Variants in CTNNA3 observed in about 807,000 individuals in gnomAD.
CTNNA3 encodes the protein catenin alpha-3.
CTNNA3 carries 76 observed loss-of-function variants against 95.7 expected under a neutral mutation model. That is an observed-to-expected ratio of 0.79 (90% CI 0.66 to 0.96). CTNNA3 has a LOEUF of 0.96. Among genes scored for constraint, CTNNA3 ranks in the 40% least tolerant of loss-of-function variants. The probability of loss-of-function intolerance (pLI) is 0.00; values close to 1 mark genes in which losing one functional copy is unlikely to be tolerated. For synonymous variants in CTNNA3, 431 were observed against 374.4 expected, an observed-to-expected ratio of 1.15 and a Z score of -1.74; for missense variants, 1,191 against 1,089.8, an observed-to-expected ratio of 1.09 and a Z score of -1.31.
At chr10:66,852,201 C>T (rs1353042848) in intron 7 of CTNNA3, among the ~76,000 whole-genome samples, 1 of 152,076 alleles carries the variant, frequency 6.6e-6, no homozygotes, top group South Asian at 2.1e-4. Flanking sequence ...TTTTATGGTA[C>T]AGGTACCTTC....
At chr10:66,029,201 C>T (rs1302367553) in intron 15 of CTNNA3, among the ~76,000 whole-genome samples, 1 of 152,114 alleles carries the variant, frequency 6.6e-6, no homozygotes, top group Non-Finnish European at 1.5e-5. Flanking sequence ...ATATTTGCTT[C>T]TTACATTTAT....
Position 66,457,066 on chromosome 10 carries a change from C to G in CTNNA3, c.1531+63551G>C, listed in dbSNP as rs77628177. Among the ~76,000 whole-genome samples, 2,751 of 152,078 alleles carry G rather than the reference C, an allele frequency of 0.018. 196 individuals are homozygous for G. The East Asian group carries it at 0.24, about 13-fold the overall frequency. ...CTTTGATTGTACCACCCCACTCCAGCCTAGGCATCAAATTGAGACCCTGTC... is the reference window on the plus strand; with the variant it reads ...CTTTGATTGTACCACCCCACTCCAGGCTAGGCATCAAATTGAGACCCTGTC... On this transcript the variant is annotated intron_variant, in intron 11 of 17. Coordinates refer to ENST00000433211, the MANE Select transcript of CTNNA3 (RefSeq NM_013266.4).
intron 1 of CTNNA3, among the ~76,000 whole-genome samples, chr10:67,755,755 T>C (rs1424943548): frequency 2.7e-4 from 34 of 125,506 alleles, no homozygotes; most frequent in Non-Finnish European, 4.5e-4. Context: ...TGAGCCGAGA[T>C]CACACCATTG....
At chr10:66,365,337 A>C (rs1191227267) in intron 12 of CTNNA3, among the ~76,000 whole-genome samples, 2 of 152,166 alleles carry the variant, frequency 1.3e-5, no homozygotes, top group Non-Finnish European at 2.9e-5. Flanking sequence ...TTGAACAATG[A>C]GAACACATGG....
intron 7 of CTNNA3, among the ~76,000 whole-genome samples, chr10:66,930,950 T>C (rs906854550): frequency 1.3e-5 from 2 of 152,134 alleles, no homozygotes; most frequent in African/African-American, 4.8e-5. Context: ...TGAGCACAGA[T>C]ATATAATTCT....
intron 10 of CTNNA3, among the ~76,000 whole-genome samples, chr10:66,616,715 AAC>A (rs1343972805): frequency 6.6e-6 from 1 of 151,984 alleles, no homozygotes; most frequent in Non-Finnish European, 1.5e-5. Flanking sequence ...AACAAATAGA[AAC>A]TCAGGGCCAC....
At chr10:65,990,349 G>C (rs1359991902) in intron 15 of CTNNA3, among the ~76,000 whole-genome samples, 1 of 149,998 alleles carries the variant, frequency 6.7e-6, no homozygotes, top group Non-Finnish European at 1.5e-5. Context: ...CTCATCAACA[G>C]TGTATAAGAG....
chr10:67,106,175 T>TA (rs1858625179), intron 7 of CTNNA3, among the ~76,000 whole-genome samples: 1 of 152,218 alleles, frequency 6.6e-6, no homozygotes, highest in Non-Finnish European at 1.5e-5. Context: ...GACACATTGG[T>TA]ACTACCACAG....
Position 67,741,165 on chromosome 10 carries a change from G to A in CTNNA3, c.-2+22269C>T, listed in dbSNP as rs542911390. 5.6e-4 allele frequency among the ~76,000 whole-genome samples: 84 copies of A among 150,940 alleles called. 2 individuals carry two copies. Among genetic ancestry groups the A allele is most frequent in the African/African-American group, 2.0e-3 (84 of 41,312 alleles). On this transcript the variant is annotated intron_variant, in intron 1 of 17. Coordinates refer to the CTNNA3 transcript ENST00000684154. ...CACACTCTGGGGACTGTTGTGGCAT[G>A]GGGAGAGGGGGGAGAGATAGCATTG...
At chr10:66,068,913 C>G (rs1248766087) in intron 15 of CTNNA3, among the ~76,000 whole-genome samples, 1 of 152,052 alleles carries the variant, frequency 6.6e-6, no homozygotes, top group Non-Finnish European at 1.5e-5. Flanking sequence ...TACCACTATC[C>G]TGATTATGCT....
At chr10:66,377,294 T>C (rs1388303773) in intron 12 of CTNNA3, among the ~76,000 whole-genome samples, 1 of 152,082 alleles carries the variant, frequency 6.6e-6, no homozygotes, top group Non-Finnish European at 1.5e-5. Flanking sequence ...ATATAGGACA[T>C]AATTTATCTA....
At chr10:66,926,931 A>G in intron 7 of CTNNA3, 4 of 1,570,414 alleles carry the variant, frequency 2.5e-6, no homozygotes, top group Non-Finnish European at 3.4e-6. Context: ...GTTTCAATGT[A>G]ATTAGGCTAC....
At chr10:66,874,159 C>T (rs966291790) in intron 7 of CTNNA3, among the ~76,000 whole-genome samples, 1 of 152,074 alleles carries the variant, frequency 6.6e-6, no homozygotes, top group African/African-American at 2.4e-5. Flanking sequence ...AACAAGTGTA[C>T]CTTAGAACTC....
At chr10:65,963,553 A>G (rs73306040) in intron 17 of CTNNA3, among the ~76,000 whole-genome samples, 2,210 of 152,254 alleles carry the variant, frequency 0.015, 56 homozygotes, top group African/African-American at 0.051. Context: ...TTTACATGCC[A>G]ATGTTGTATG....
chr10:66,256,583 T>C (rs866950055), intron 13 of CTNNA3, among the ~76,000 whole-genome samples: 7 of 151,904 alleles, frequency 4.6e-5, no homozygotes, highest in Admixed American at 2.0e-4. Context: ...TAGCCGGTCA[T>C]GGTGGCACAT....
rs551915427 is a variant in CTNNA3, at chr10:66,303,726, C to T, written c.1733-23105G>A. On this transcript the variant is annotated intron_variant, in intron 12 of 17. Transcript: ENST00000433211. ...CTCAGCTCACTGCAACCTCCTGTCC[C>T]CGGGTTCAAGCGATTTGCCACCACG... Among the ~76,000 whole-genome samples the T allele has an allele frequency of 9.2e-5, 14 of 152,194 alleles. 1 individual carries two copies. The East Asian group carries it at 2.7e-3, about 29-fold the overall frequency.
intron 5 of CTNNA3, among the ~76,000 whole-genome samples, chr10:67,297,758 A>AT (rs1203703995): frequency 1.3e-5 from 2 of 152,192 alleles, no homozygotes; most frequent in Non-Finnish European, 2.9e-5. Flanking sequence ...GGCACATCCT[A>AT]TTTTAAGGTT....
chr10:66,087,105 G>T (rs972531619), intron 14 of CTNNA3, among the ~76,000 whole-genome samples: 2 of 151,920 alleles, frequency 1.3e-5, no homozygotes, highest in African/African-American at 2.4e-5. Context: ...CACCAGCCAG[G>T]TAAAACCTTA....
chr10:67,319,290 C>T (rs1344759034), intron 5 of CTNNA3, among the ~76,000 whole-genome samples: 3 of 152,148 alleles, frequency 2.0e-5, no homozygotes, highest in Non-Finnish European at 4.4e-5. Flanking sequence ...TTGTGGATCT[C>T]GCCCAATATC....
Sources: allele counts gnomAD v4.1 joint callset (sites outside exome capture counted in the v4.1 genomes callset), GRCh38; gene constraint gnomAD v4.1.1; transcripts MANE v1.5; gene names NCBI Gene and HGNC (gene_info 2026-07-23, HGNC 2026-07-21).